The following SCFD2 variants were observed in gnomAD, a reference collection of about 807,000 sequenced individuals.
SCFD2 encodes the protein sec1 family domain-containing protein 2.
A neutral mutation model predicts 58.9 loss-of-function variants in SCFD2; 54 were observed. The observed-to-expected ratio is 0.92, with a 90% CI of 0.74 to 1.15. The LOEUF is 1.15. Ranked by LOEUF, SCFD2 falls within the 50% of genes most tolerant of loss-of-function variation. The probability of loss-of-function intolerance (pLI) is 0.00; values close to 1 mark genes in which losing one functional copy is unlikely to be tolerated. For missense variants in SCFD2, 805 were observed against 836.6 expected, an observed-to-expected ratio of 0.96 and a Z score of 0.47; for synonymous variants, 321 against 335.9, an observed-to-expected ratio of 0.96 and a Z score of 0.49.
At chr4:52,995,823 T>A (rs763988320) in intron 5 of SCFD2, among the ~76,000 whole-genome samples, 5 of 152,226 alleles carry the variant, frequency 3.3e-5, no homozygotes, top group Non-Finnish European at 7.3e-5. Flanking sequence ...ATTCCACTGC[T>A]GTGTTATGTC....
chr4:53,201,854 C>T (rs1728251549), intron 4 of SCFD2, among the ~76,000 whole-genome samples: 1 of 152,034 alleles, frequency 6.6e-6, no homozygotes, highest in African/African-American at 2.4e-5. Flanking sequence ...TATCCTTGGC[C>T]CACTTTTTGA....
At chr4:53,010,806 CAT>C (rs1722077149) in intron 5 of SCFD2, among the ~76,000 whole-genome samples, 1 of 152,174 alleles carries the variant, frequency 6.6e-6, no homozygotes, top group South Asian at 2.1e-4. Context: ...GCCTCTCCAA[CAT>C]ATGTCTTTAC....
chr4:52,900,832 G>A (rs553886463), intron 7 of SCFD2, among the ~76,000 whole-genome samples: 85 of 152,324 alleles, frequency 5.6e-4, no homozygotes, highest in African/African-American at 1.9e-3. Context: ...ACTGAGGCCT[G>A]AGCAATGGCG....
intron 5 of SCFD2, among the ~76,000 whole-genome samples, chr4:53,017,841 C>T (rs991541463): frequency 2.6e-5 from 4 of 152,126 alleles, no homozygotes; most frequent in African/African-American, 9.7e-5. Context: ...CACTTCAGGG[C>T]CTTTGCATTT....
chr4:53,329,771 A>T (rs1165998308), intron 2 of SCFD2, among the ~76,000 whole-genome samples: 1 of 151,592 alleles, frequency 6.6e-6, no homozygotes, highest in Admixed American at 6.6e-5. Context: ...CTGAGAGAAG[A>T]AGGCTTCAGA....
At chr4:53,299,459 C>T (rs185086871) in intron 3 of SCFD2, among the ~76,000 whole-genome samples, 2 of 152,170 alleles carry the variant, frequency 1.3e-5, no homozygotes. Flanking sequence ...AAGACCAAAT[C>T]TATATTTCTG....
chr4:53,300,436 C>G (rs1250509222), intron 3 of SCFD2, among the ~76,000 whole-genome samples: 3 of 152,138 alleles, frequency 2.0e-5, no homozygotes, highest in Non-Finnish European at 4.4e-5. Context: ...CAGGAGCACC[C>G]AGATTCATAA....
intron 4 of SCFD2, among the ~76,000 whole-genome samples, chr4:53,166,832 C>CA (rs34996788): frequency 0.36 from 42,857 of 118,534 alleles, 6,864 homozygotes; most frequent in East Asian, 0.46. Context: ...AAATGCCCAC[C>CA]AAAAAAAAAA....
chr4:53,206,055 A>C (rs2148973344), intron 4 of SCFD2, among the ~76,000 whole-genome samples: 1 of 152,272 alleles, frequency 6.6e-6, no homozygotes, highest in South Asian at 2.1e-4. Flanking sequence ...GTGCAGCAAA[A>C]ATTTTAGTTA....
chr4:52,884,416 A>G (rs1718686627), intron 8 of SCFD2, among the ~76,000 whole-genome samples: 1 of 144,870 alleles, frequency 6.9e-6, no homozygotes, highest in South Asian at 2.2e-4. Context: ...GGAGGATGAG[A>G]GTGGAAGGGA....
At chr4:53,142,527 G>C (rs559195277) in intron 5 of SCFD2, among the ~76,000 whole-genome samples, 1 of 152,260 alleles carries the variant, frequency 6.6e-6, no homozygotes, top group African/African-American at 2.4e-5. Flanking sequence ...CAAACTGTAG[G>C]CAAGTTCACT....
At chr4:53,333,186 C>G (rs1303810520) in intron 2 of SCFD2, among the ~76,000 whole-genome samples, 1 of 138,738 alleles carries the variant, frequency 7.2e-6, no homozygotes, top group Non-Finnish European at 1.6e-5. Flanking sequence ...AGGTAATTTA[C>G]AGATTCAATG....
chr4:53,092,134 A>G (rs2148866941), intron 5 of SCFD2, among the ~76,000 whole-genome samples: 1 of 152,316 alleles, frequency 6.6e-6, no homozygotes, highest in African/African-American at 2.4e-5. Flanking sequence ...GCTTCATTTC[A>G]TTCAATAAAT....
At chr4:53,325,246 A>C (rs1733154141) in intron 2 of SCFD2, among the ~76,000 whole-genome samples, 1 of 151,716 alleles carries the variant, frequency 6.6e-6, no homozygotes, top group Admixed American at 6.6e-5. Flanking sequence ...AAAAGAGAAG[A>C]CTCACTGCCT....
At chr4:52,992,171 A>G (rs1004486233) in intron 5 of SCFD2, among the ~76,000 whole-genome samples, 7 of 152,110 alleles carry the variant, frequency 4.6e-5, no homozygotes, top group Non-Finnish European at 1.5e-5. Context: ...GGATTGCAGG[A>G]GCGCGCCACC....
intron 5 of SCFD2, among the ~76,000 whole-genome samples, chr4:52,970,257 C>T (rs931757051): frequency 1.3e-5 from 2 of 152,220 alleles, no homozygotes; most frequent in African/African-American, 4.8e-5. Flanking sequence ...TCAGGGAATT[C>T]CCTTTCCTAG....
chr4:53,175,288 T>C (rs1286322843), intron 4 of SCFD2, among the ~76,000 whole-genome samples: 1 of 152,220 alleles, frequency 6.6e-6, no homozygotes. Flanking sequence ...AATTTTTGAA[T>C]TTCCTGTTTT....
chr4:53,348,135 G>C (rs1455108101), intron 2 of SCFD2, among the ~76,000 whole-genome samples: 1 of 152,174 alleles, frequency 6.6e-6, no homozygotes, highest in Non-Finnish European at 1.5e-5. Flanking sequence ...TGCATTTTAA[G>C]TTCTCAATTT....
intron 5 of SCFD2, among the ~76,000 whole-genome samples, chr4:53,072,933 A>T (rs1389252007): frequency 2.0e-5 from 3 of 152,082 alleles, no homozygotes; most frequent in Non-Finnish European, 4.4e-5. Flanking sequence ...AGTCCCTGAG[A>T]TGTCCAGGGC....
Sources: allele counts gnomAD v4.1 joint callset (sites outside exome capture counted in the v4.1 genomes callset), GRCh38; gene constraint gnomAD v4.1.1; transcripts MANE v1.5; gene names NCBI Gene and HGNC (gene_info 2026-07-23, HGNC 2026-07-21).